The following CNTN5 variants were observed in gnomAD, a reference collection of about 807,000 sequenced individuals.
CNTN5 encodes contactin-5.
A neutral mutation model predicts 129.1 loss-of-function variants in CNTN5; 77 were observed. The observed-to-expected ratio is 0.60, with a 90% CI of 0.50 to 0.72. The LOEUF (loss-of-function observed/expected upper bound fraction) is 0.72. CNTN5 is among the 30% of genes least tolerant of loss of function. The pLI is 0.00. For synonymous variants in CNTN5, 509 were observed against 465.6 expected (o/e 1.09, Z -1.20); for missense variants, 1,478 against 1,328.8 (o/e 1.11, Z -1.75).
intron 1 of CNTN5, among the ~76,000 whole-genome samples, chr11:99,046,372 G>A (rs1193900582): frequency 6.6e-6 from 1 of 151,854 alleles, no homozygotes; most frequent in Non-Finnish European, 1.5e-5. Context: ...ACACATTTAG[G>A]GACTGTAAGT....
At chr11:99,824,407 T>C (rs1203505909) in intron 4 of CNTN5, among the ~76,000 whole-genome samples, 1 of 152,052 alleles carries the variant, frequency 6.6e-6, no homozygotes, top group Non-Finnish European at 1.5e-5. Flanking sequence ...TTTTTTCTAA[T>C]GCATATTTCT....
In CNTN5 at chr11:99,814,875, C is replaced by T. The variant is rs903481846; in HGVS notation, c.56-4669C>T. ...TTGACTCACAGCTCCATGTGGCTAG[C>T]GTGGCCTCAGGAAACTTACAATCAT... On this transcript the variant is annotated intron_variant, in intron 3 of 24. Coordinates refer to ENST00000524871, the MANE Select transcript of CNTN5 (RefSeq NM_014361.4). Among the ~76,000 whole-genome samples the T allele has an allele frequency of 7.9e-5, 12 of 152,156 alleles. 1 individual carries two copies. The highest frequency in any genetic ancestry group is 6.8e-3 in the Middle Eastern group (2 of 294).
chr11:99,771,327 C>T (rs993819125), intron 3 of CNTN5, among the ~76,000 whole-genome samples: 5 of 151,944 alleles, frequency 3.3e-5, no homozygotes, highest in Admixed American at 2.6e-4. Flanking sequence ...AACCTAAATG[C>T]CCATCAACTG....
At chr11:99,700,768 A>C (rs1282617407) in intron 3 of CNTN5, among the ~76,000 whole-genome samples, 1 of 151,398 alleles carries the variant, frequency 6.6e-6, no homozygotes, top group Non-Finnish European at 1.5e-5. Flanking sequence ...AAGGAATAGC[A>C]ATTTCATGCT....
intron 18 of CNTN5, among the ~76,000 whole-genome samples, chr11:100,293,508 G>A (rs1951039422): frequency 6.6e-6 from 1 of 151,706 alleles, no homozygotes; most frequent in Non-Finnish European, 1.5e-5. Flanking sequence ...ACTTCTCATA[G>A]AAGACTTCAC....
intron 2 of CNTN5, among the ~76,000 whole-genome samples, chr11:99,396,832 T>C (rs890583091): frequency 2.4e-4 from 36 of 151,754 alleles, no homozygotes; most frequent in African/African-American, 8.7e-4. Context: ...TCAAATGGAT[T>C]AAATTCCTGG....
chr11:99,417,637 C>T (rs1307237936), intron 2 of CNTN5, among the ~76,000 whole-genome samples: 2 of 151,926 alleles, frequency 1.3e-5, no homozygotes, highest in Non-Finnish European at 2.9e-5. Flanking sequence ...AAATAAAAGG[C>T]TGAGTTGAAG....
chr11:99,793,496 G>T (rs947929649), intron 3 of CNTN5, among the ~76,000 whole-genome samples: 10 of 152,034 alleles, frequency 6.6e-5, no homozygotes, highest in African/African-American at 1.9e-4. Context: ...ATTTGCTGTT[G>T]TACTTCTAGT....
chr11:100,113,454 CAAGAAAGAAAAAAGAAA>C (rs1392875415), intron 13 of CNTN5, among the ~76,000 whole-genome samples: 1 of 49,662 alleles, frequency 2.0e-5, no homozygotes, highest in Non-Finnish European at 4.1e-5. Context: ...AAAAAAAAAA[CAAGAAAGAAAAAAGAAA>C]AAGAAAGAAA....
At chr11:99,075,889 G>C (rs545486642) in intron 1 of CNTN5, among the ~76,000 whole-genome samples, 95 of 152,256 alleles carry the variant, frequency 6.2e-4, no homozygotes, top group African/African-American at 2.2e-3. Flanking sequence ...ATACAATTAT[G>C]ACAGACGTTT....
intron 8 of CNTN5, among the ~76,000 whole-genome samples, chr11:99,991,989 G>A (rs1939133506): frequency 2.0e-5 from 3 of 152,078 alleles, no homozygotes; most frequent in South Asian, 2.1e-4. Flanking sequence ...CATCGTCATT[G>A]AATATAGAAG....
At chr11:100,140,058 A>G (rs547843679) in intron 13 of CNTN5, among the ~76,000 whole-genome samples, 1 of 152,222 alleles carries the variant, frequency 6.6e-6, no homozygotes, top group South Asian at 2.1e-4. Flanking sequence ...GAAAGAGAGG[A>G]AGTAGAGTAG....
At chr11:100,099,718 T>C (rs61908111) in intron 13 of CNTN5, among the ~76,000 whole-genome samples, 3 of 152,030 alleles carry the variant, frequency 2.0e-5, no homozygotes, top group Non-Finnish European at 4.4e-5. Flanking sequence ...TTACCTTCTC[T>C]GTGATGTAGG....
intron 13 of CNTN5, among the ~76,000 whole-genome samples, chr11:100,168,915 A>G (rs747795096): frequency 2.0e-4 from 30 of 151,228 alleles, no homozygotes; most frequent in Non-Finnish European, 4.3e-4. Context: ...GAGTTGGAAG[A>G]ATTTGATTCC....
At chr11:99,114,303 T>C (rs17133047) in intron 1 of CNTN5, among the ~76,000 whole-genome samples, 2,048 of 152,228 alleles carry the variant, frequency 0.013, 50 homozygotes, top group African/African-American at 0.046. Flanking sequence ...ATTCGAGAGA[T>C]GTAGTGTCAT....
chr11:99,817,596 G>GTTTTTTTTTTT (rs372057505), intron 3 of CNTN5, among the ~76,000 whole-genome samples: 5 of 99,626 alleles, frequency 5.0e-5, no homozygotes, highest in Admixed American at 1.2e-4. Flanking sequence ...GTCTGGGATA[G>GTTTTTTTTTTT]TTTTTTTTTT....
intron 16 of CNTN5, among the ~76,000 whole-genome samples, chr11:100,237,764 A>G (rs651373): frequency 0.72 from 110,016 of 152,124 alleles, 39,895 homozygotes; most frequent in Middle Eastern, 0.82. Context: ...AAACTAAAAT[A>G]TATAAATATT....
At chr11:99,652,666 A>G (rs1393878614) in intron 3 of CNTN5, among the ~76,000 whole-genome samples, 2 of 152,110 alleles carry the variant, frequency 1.3e-5, no homozygotes, top group South Asian at 4.1e-4. Context: ...CATAATTTAT[A>G]TAACTTAGTC....
chr11:99,153,643 C>T (rs1860182477), intron 1 of CNTN5, among the ~76,000 whole-genome samples: 1 of 152,014 alleles, frequency 6.6e-6, no homozygotes, highest in African/African-American at 2.4e-5. Flanking sequence ...TCTGTCATTT[C>T]AGCCACTTCA....
Sources: gnomAD v4.1 joint callset for allele counts (sites outside exome capture counted in the v4.1 genomes callset) on GRCh38, gnomAD v4.1.1 for gene constraint, MANE v1.5 for transcripts, NCBI Gene and HGNC (gene_info 2026-07-23, HGNC 2026-07-21) for gene names.